Variants in CDH10 observed in about 807,000 individuals in gnomAD.
CDH10 encodes cadherin-10.
Under a neutral mutation model 73.1 loss-of-function variants are expected in CDH10, and 30 were observed. The observed-to-expected ratio is 0.41, with a 90% confidence interval of 0.31 to 0.56. CDH10 has a LOEUF of 0.56. CDH10 is among the 20% of genes least tolerant of loss of function. The pLI is 0.27. For missense variants in CDH10, 815 were observed against 973.7 expected, an observed-to-expected ratio of 0.84 and a Z score of 2.17; for synonymous variants, 345 against 348.2, an observed-to-expected ratio of 0.99 and a Z score of 0.10.
At chr5:24,632,809 A>G (rs776641162) in intron 1 of CDH10, among the ~76,000 whole-genome samples, 5 of 151,906 alleles carry the variant, frequency 3.3e-5, no homozygotes, top group Non-Finnish European at 7.4e-5. Flanking sequence ...GTGATACAGA[A>G]CCTATTCACA....
At chr5:24,542,136 T>C (rs1298334053) in intron 2 of CDH10, among the ~76,000 whole-genome samples, 4 of 152,150 alleles carry the variant, frequency 2.6e-5, no homozygotes, top group African/African-American at 7.2e-5. Flanking sequence ...ATGAAATTTA[T>C]AAGTTAAAGG....
intron 1 of CDH10, among the ~76,000 whole-genome samples, chr5:24,597,453 G>A (rs1746410953): frequency 1.3e-5 from 2 of 152,152 alleles, no homozygotes; most frequent in South Asian, 2.1e-4. Flanking sequence ...CTACAATGAG[G>A]GGAATATAAG....
chr5:24,543,452 A>G (rs186642029), intron 2 of CDH10, among the ~76,000 whole-genome samples: 47 of 152,342 alleles, frequency 3.1e-4, no homozygotes, highest in African/African-American at 1.1e-3. Context: ...GTTTTTACAT[A>G]CATTAACCTG....
intron 2 of CDH10, among the ~76,000 whole-genome samples, chr5:24,555,843 T>C (rs1296793444): frequency 6.7e-6 from 1 of 149,280 alleles, no homozygotes; most frequent in East Asian, 2.0e-4. Flanking sequence ...CATACGTCTA[T>C]TGGGATTGGA....
intron 1 of CDH10, among the ~76,000 whole-genome samples, chr5:24,626,780 C>CTA (rs35149680): frequency 0.17 from 24,432 of 145,410 alleles, 2,411 homozygotes; most frequent in African/African-American, 0.26. Flanking sequence ...TCTCAAAAAC[C>CTA]TATATATATA....
In CDH10 at chr5:24,644,792, C is replaced by T. The variant is rs868663843; in HGVS notation, c.-322G>A. The T allele has an allele frequency of 1.3e-5, 2 of 148,858 alleles. No homozygotes were observed. Among genetic ancestry groups the T allele is most frequent in the African/African-American group, 5.0e-5 (2 of 40,378 alleles). The allele number at this position is 148,858 out of a possible 1,614,324, so 9.2% of individuals were successfully genotyped here. On this transcript the variant is annotated 5_prime_UTR_variant, in exon 1 of 12. Transcript: ENST00000264463. ...ACCGAAGAAAACGGGGGCGAGCTCT[C>T]TCTGATTGGCTTTCATTCAGTGCTT...
intron 1 of CDH10, among the ~76,000 whole-genome samples, chr5:24,640,311 A>AAG (rs1194267917): frequency 6.6e-6 from 1 of 151,292 alleles, no homozygotes; most frequent in Non-Finnish European, 1.5e-5. Context: ...GATGGGGTAG[A>AAG]AGAGAGAGAG....
chr5:24,637,734 A>G (rs1259228752), intron 1 of CDH10, among the ~76,000 whole-genome samples: 3 of 151,946 alleles, frequency 2.0e-5, no homozygotes, highest in African/African-American at 7.2e-5. Context: ...AAATAGCAAC[A>G]TATGATAGCC....
intron 1 of CDH10, among the ~76,000 whole-genome samples, chr5:24,597,942 AATAT>A (rs1347106402): frequency 6.6e-6 from 1 of 151,772 alleles, no homozygotes; most frequent in Non-Finnish European, 1.5e-5. Flanking sequence ...AGCTTTTAAA[AATAT>A]ATATATTATT....
chr5:24,505,283 C>T (rs551532614), intron 7 of CDH10, 35 bp from the exon 8 acceptor site: 1 of 1,591,562 alleles, frequency 6.3e-7, no homozygotes. Flanking sequence ...TACATGGCAG[C>T]ATTATTAATA....
intron 2 of CDH10, among the ~76,000 whole-genome samples, chr5:24,539,035 T>C (rs771690800): frequency 6.6e-6 from 1 of 152,052 alleles, no homozygotes; most frequent in Non-Finnish European, 1.5e-5. Context: ...AAACTGTAGA[T>C]CTTAATTTCT....
intron 2 of CDH10, among the ~76,000 whole-genome samples, chr5:24,574,103 T>C (rs1345318330): frequency 1.3e-5 from 2 of 151,916 alleles, no homozygotes; most frequent in Non-Finnish European, 2.9e-5. Context: ...GCCAGAATGG[T>C]CTCGATCTCC....
At chr5:24,577,811 C>T (rs933171876) in intron 2 of CDH10, among the ~76,000 whole-genome samples, 3 of 152,128 alleles carry the variant, frequency 2.0e-5, no homozygotes, top group Non-Finnish European at 4.4e-5. Flanking sequence ...TACCATATAA[C>T]AAGACCATTT....
intron 8 of CDH10, among the ~76,000 whole-genome samples, chr5:24,502,292 A>G (rs1211214941): frequency 6.6e-6 from 1 of 152,210 alleles, no homozygotes; most frequent in East Asian, 1.9e-4. Flanking sequence ...TGCACTAAAT[A>G]ATTACCTGGA....
intron 2 of CDH10, among the ~76,000 whole-genome samples, chr5:24,564,335 T>C (rs548008702): frequency 1.3e-5 from 2 of 152,320 alleles, no homozygotes; most frequent in Non-Finnish European, 2.9e-5. Context: ...AGAATACTAA[T>C]TGGCATATAG....
intron 1 of CDH10, among the ~76,000 whole-genome samples, chr5:24,602,749 T>A (rs995164871): frequency 1.3e-5 from 2 of 152,168 alleles, no homozygotes; most frequent in African/African-American, 4.8e-5. Flanking sequence ...AATCTAGGAA[T>A]GTGCAGTAGT....
intron 2 of CDH10, among the ~76,000 whole-genome samples, chr5:24,567,755 C>T (rs1158196403): frequency 6.6e-6 from 1 of 151,910 alleles, no homozygotes; most frequent in African/African-American, 2.4e-5. Context: ...AAGTACACTC[C>T]ATGTCAGTGT....
At chr5:24,631,051 T>G (rs1747688107) in intron 1 of CDH10, among the ~76,000 whole-genome samples, 1 of 152,098 alleles carries the variant, frequency 6.6e-6, no homozygotes, top group African/African-American at 2.4e-5. Flanking sequence ...TCTTAGTAGA[T>G]CTGCCTCAAG....
chr5:24,583,683 T>A (rs754002332), intron 2 of CDH10, among the ~76,000 whole-genome samples: 1 of 152,224 alleles, frequency 6.6e-6, no homozygotes, highest in South Asian at 2.1e-4. Context: ...TCTCACTTTG[T>A]TGCCTATGCT....
Sources: allele counts gnomAD v4.1 joint callset (sites outside exome capture counted in the v4.1 genomes callset), GRCh38; gene constraint gnomAD v4.1.1; transcripts MANE v1.5; gene names NCBI Gene and HGNC (gene_info 2026-07-23, HGNC 2026-07-21).